The following ADD3 variants were observed in gnomAD, a reference collection of about 807,000 sequenced individuals.
ADD3 encodes adducin 3.
A neutral mutation model predicts 80.2 loss-of-function variants in ADD3; 25 were observed. The observed-to-expected ratio is 0.31, with a 90% CI of 0.23 to 0.44. The LOEUF is 0.44. Ranked by LOEUF, ADD3 falls within the 20% of genes least tolerant of loss-of-function variation. ADD3 has a pLI of 1.00. For missense variants in ADD3, 829 were observed against 847.5 expected, an observed-to-expected ratio of 0.98 and a Z score of 0.27; for synonymous variants, 284 against 289.6, an observed-to-expected ratio of 0.98 and a Z score of 0.20.
chr10:110,090,205 C>A (rs912025822), intron 1 of ADD3, among the ~76,000 whole-genome samples: 38 of 150,690 alleles, frequency 2.5e-4, no homozygotes, highest in African/African-American at 8.1e-4. Context: ...ATATAACAAG[C>A]ACCTACTTGA....
At chr10:110,109,185 C>G (rs1849708292) in intron 2 of ADD3, among the ~76,000 whole-genome samples, 1 of 152,038 alleles carries the variant, frequency 6.6e-6, no homozygotes, top group African/African-American at 2.4e-5. Flanking sequence ...AAATTTCTCA[C>G]CAGTTTAATA....
At chr10:110,054,240 A>G (rs1857864959) in intron 1 of ADD3, among the ~76,000 whole-genome samples, 1 of 152,300 alleles carries the variant, frequency 6.6e-6, no homozygotes, top group Admixed American at 6.5e-5. Context: ...TTTATAGTAC[A>G]TTTTCAGAAA....
At chr10:110,064,044 TC>T (rs1039711585) in intron 1 of ADD3, among the ~76,000 whole-genome samples, 2 of 152,064 alleles carry the variant, frequency 1.3e-5, no homozygotes, top group Non-Finnish European at 2.9e-5. Flanking sequence ...GCATTTTTTT[TC>T]CTGTGGGATT....
intron 2 of ADD3, among the ~76,000 whole-genome samples, chr10:110,111,912 T>TAA (rs1590171833): frequency 7.2e-6 from 1 of 138,170 alleles, no homozygotes; most frequent in East Asian, 2.0e-4. Context: ...AAACTCTGTC[T>TAA]CAAAAAAAAA....
chr10:110,034,801 T>A (rs1316272467), intron 1 of ADD3, among the ~76,000 whole-genome samples: 2 of 152,232 alleles, frequency 1.3e-5, no homozygotes, highest in East Asian at 3.8e-4. Context: ...GGATCTTGAA[T>A]CATCCCCAGG....
At chr10:110,028,226 T>C (rs1854541128) in intron 1 of ADD3, among the ~76,000 whole-genome samples, 1 of 152,176 alleles carries the variant, frequency 6.6e-6, no homozygotes, top group African/African-American at 2.4e-5. Context: ...CATCTCCCCT[T>C]ATGAGACAGG....
intron 1 of ADD3, among the ~76,000 whole-genome samples, chr10:109,998,143 G>A (rs896228818): frequency 2.6e-5 from 4 of 152,142 alleles, no homozygotes; most frequent in African/African-American, 9.7e-5. Context: ...ATTATAAAGT[G>A]GAGTTTGTAC....
intron 1 of ADD3, among the ~76,000 whole-genome samples, chr10:110,081,357 C>T (rs183407454): frequency 1.4e-3 from 213 of 152,288 alleles, no homozygotes; most frequent in African/African-American, 4.9e-3. Flanking sequence ...GACAGTCTTG[C>T]TTAGAATCCT....
chr10:110,087,281 C>T (rs1209166246), intron 1 of ADD3, among the ~76,000 whole-genome samples: 1 of 152,204 alleles, frequency 6.6e-6, no homozygotes, highest in Non-Finnish European at 1.5e-5. Context: ...ATCCACCTGC[C>T]TTGGCCCCTC....
At chr10:110,027,788 A>C (rs926778590) in intron 1 of ADD3, among the ~76,000 whole-genome samples, 2 of 152,222 alleles carry the variant, frequency 1.3e-5, no homozygotes, top group African/African-American at 4.8e-5. Context: ...TTCAGAGAGA[A>C]AAAAAACACA....
At position 110,071,030 on chromosome 10, in the gene ADD3, A is replaced by G. The variant is rs1844638174; in HGVS notation, c.-29-29595A>G. The stretch of plus-strand genomic sequence containing the variant: ...CTTTGCCTCCTACCTATCCAACAGC[A>G]GTGTTTGAAGCTAAGTGCTTGAATT... On this transcript the variant is annotated intron_variant, in intron 1 of 14. Coordinates refer to ENST00000356080, the MANE Select transcript of ADD3 (RefSeq NM_016824.5). Among the ~76,000 whole-genome samples the G allele has an allele frequency of 2.0e-5, 3 of 147,618 alleles. No individual in the cohort carries two copies. The South Asian group carries it at 6.6e-4, about 33-fold the overall frequency.
chr10:110,054,515 C>G (rs926938255), intron 1 of ADD3, among the ~76,000 whole-genome samples: 15 of 148,534 alleles, frequency 1.0e-4, no homozygotes, highest in African/African-American at 3.7e-4. Context: ...GATCTCGGCT[C>G]ACTGCAACCT....
At chr10:110,093,222 T>G (rs1847768746) in intron 1 of ADD3, among the ~76,000 whole-genome samples, 1 of 152,248 alleles carries the variant, frequency 6.6e-6, no homozygotes, top group Non-Finnish European at 1.5e-5. Context: ...ATTCTGTGAT[T>G]GCTTTAAAAT....
rs1189793476 is a variant in ADD3 at position 110,073,138 on chromosome 10, C to CTTTTTTTTTTTT, written c.-29-27477_-29-27466dup. Reference sequence around the variant, plus strand: ...CTTAACCTCTTTGAGTTTTAGTTTTCTTTTTTTTTTTTTTTTTTTTTCGAG... The same window carrying CTTTTTTTTTTTT: ...CTTAACCTCTTTGAGTTTTAGTTTTCTTTTTTTTTTTTTTTTTTTTTTTTTTTTTTTTTCGAG... On this transcript the variant is annotated intron_variant, in intron 1 of 14. Coordinates refer to ENST00000356080, the MANE Select transcript of ADD3 (RefSeq NM_016824.5). Among the ~76,000 whole-genome samples the CTTTTTTTTTTTT allele has an allele frequency of 4.2e-5, 4 of 94,222 alleles. 1 individual carries two copies. Among genetic ancestry groups the CTTTTTTTTTTTT allele is most frequent in the African/African-American group, 9.1e-5 (2 of 22,072 alleles). The allele number at this position is 94,222 out of a possible 152,430, so 61.8% of individuals were successfully genotyped here.
chr10:110,070,333 C>T (rs1844510194), intron 1 of ADD3, among the ~76,000 whole-genome samples: 1 of 151,826 alleles, frequency 6.6e-6, no homozygotes, highest in South Asian at 2.1e-4. Flanking sequence ...GATACCTGTT[C>T]ACTTGTAGCA....
chr10:110,087,802 T>G (rs1205619778), intron 1 of ADD3, among the ~76,000 whole-genome samples: 1 of 152,212 alleles, frequency 6.6e-6, no homozygotes, highest in Non-Finnish European at 1.5e-5. Flanking sequence ...TGTGTTAGTT[T>G]CCTAGAACTG....
At chr10:110,006,027 C>A, upstream of ADD3, 1 of 245,674 alleles carries the variant, frequency 4.1e-6, no homozygotes, top group Non-Finnish European at 8.3e-6. Context: ...GCTGCTGCTG[C>A]TGCTGTTGGT....
intron 1 of ADD3, among the ~76,000 whole-genome samples, chr10:110,045,726 TACAC>T (rs1300581956): frequency 2.6e-5 from 4 of 152,184 alleles, no homozygotes; most frequent in South Asian, 2.1e-4. Flanking sequence ...TATCAAAACT[TACAC>T]ACACAAACAC....
chr10:110,036,001 A>G (rs981354874), intron 1 of ADD3, among the ~76,000 whole-genome samples: 1 of 152,068 alleles, frequency 6.6e-6, no homozygotes, highest in African/African-American at 2.4e-5. Context: ...AATACAAAAA[A>G]TGAGCCAGGT....
Sources: allele counts gnomAD v4.1 joint callset (sites outside exome capture counted in the v4.1 genomes callset), GRCh38; gene constraint gnomAD v4.1.1; transcripts MANE v1.5; gene names NCBI Gene and HGNC (gene_info 2026-07-23, HGNC 2026-07-21).